Variants in SLIT3 observed in about 807,000 individuals in gnomAD.
SLIT3 encodes slit homolog 3 protein.
SLIT3 carries 68 observed loss-of-function variants against 184.0 expected under a neutral mutation model. The observed-to-expected ratio is 0.37, with a 90% confidence interval of 0.30 to 0.45. SLIT3 has a LOEUF of 0.45. SLIT3 is among the 20% of genes least tolerant of loss of function. The pLI is 1.00. For synonymous variants in SLIT3, 831 were observed against 828.6 expected (o/e 1.00, Z -0.05); for missense variants, 1,707 against 2,026.0 (o/e 0.84, Z 3.02).
Position 168,665,629 on chromosome 5 carries a change from C to T in SLIT3, c.*825G>A, listed in dbSNP as rs765006563. ...TTTGGTAAGACAGTTCCAAATGACA[C>T]CTGTAGCAGACTTCAATAGTCAGTC... On this transcript the variant is annotated 3_prime_UTR_variant, in exon 36 of 36. Coordinates refer to ENST00000519560, the MANE Select transcript of SLIT3 (RefSeq NM_003062.4). The T allele has an allele frequency of 3.3e-5, 5 of 152,252 alleles. No individual in the cohort carries two copies. Among genetic ancestry groups the T allele is most frequent in the African/African-American group, 9.7e-5 (4 of 41,432 alleles). 9.4% of individuals were successfully genotyped at this position (152,252 alleles called of 1,614,324 possible).
At chr5:169,168,145 C>T (rs1762699157) in intron 4 of SLIT3, among the ~76,000 whole-genome samples, 1 of 152,154 alleles carries the variant, frequency 6.6e-6, no homozygotes, top group African/African-American at 2.4e-5. Flanking sequence ...ACCCAAATCC[C>T]TCACATCCTC....
intron 4 of SLIT3, among the ~76,000 whole-genome samples, chr5:168,959,089 GA>G (rs1429453189): frequency 1.3e-5 from 2 of 152,246 alleles, no homozygotes; most frequent in Non-Finnish European, 2.9e-5. Flanking sequence ...GCTGAGATTT[GA>G]AAAGAATGTG....
intron 16 of SLIT3, among the ~76,000 whole-genome samples, chr5:168,758,027 G>A (rs543160115): frequency 2.6e-5 from 4 of 152,278 alleles, no homozygotes; most frequent in South Asian, 2.1e-4. Context: ...CTTCCACACC[G>A]GGAGTTGTGG....
intron 4 of SLIT3, among the ~76,000 whole-genome samples, chr5:169,022,556 T>G (rs1409945454): frequency 6.6e-6 from 1 of 152,222 alleles, no homozygotes; most frequent in South Asian, 2.1e-4. Context: ...TCACCCACTA[T>G]GTATTTCCTA....
At chr5:169,045,451 G>A (rs2113038456) in intron 4 of SLIT3, among the ~76,000 whole-genome samples, 1 of 150,476 alleles carries the variant, frequency 6.6e-6, no homozygotes, top group African/African-American at 2.4e-5. Context: ...AAAAAGAACT[G>A]AGATGATGTA....
At chr5:169,219,545 G>A (rs1033689685) in intron 3 of SLIT3, among the ~76,000 whole-genome samples, 2 of 152,164 alleles carry the variant, frequency 1.3e-5, no homozygotes, top group African/African-American at 4.8e-5. Context: ...CCTGCTATCT[G>A]TCCATCCTGT....
intron 4 of SLIT3, among the ~76,000 whole-genome samples, chr5:168,998,722 A>G (rs1387737445): frequency 1.3e-5 from 2 of 151,690 alleles, no homozygotes; most frequent in Non-Finnish European, 2.9e-5. Flanking sequence ...ACAAAACAAA[A>G]CAAAACAAAA....
intron 1 of SLIT3, among the ~76,000 whole-genome samples, chr5:169,273,613 A>T (rs1020703212): frequency 5.9e-5 from 9 of 152,202 alleles, no homozygotes; most frequent in African/African-American, 2.2e-4. Context: ...GCCCCAGGTG[A>T]TTTCAATGTG....
chr5:168,991,851 C>T (rs896664869), intron 4 of SLIT3, among the ~76,000 whole-genome samples: 3 of 152,204 alleles, frequency 2.0e-5, no homozygotes, highest in Non-Finnish European at 2.9e-5. Context: ...TCCCTCTTGA[C>T]GCCCAATTCC....
chr5:168,827,106 G>A (rs915250516), intron 6 of SLIT3, among the ~76,000 whole-genome samples: 9 of 152,134 alleles, frequency 5.9e-5, no homozygotes, highest in Non-Finnish European at 1.0e-4. Flanking sequence ...CACGAGGCAG[G>A]GACTTTTAAT....
At chr5:169,150,084 C>T (rs747238614) in intron 4 of SLIT3, among the ~76,000 whole-genome samples, 58 of 152,208 alleles carry the variant, frequency 3.8e-4, no homozygotes, top group Non-Finnish European at 7.3e-4. Context: ...CACACCATTA[C>T]ATTTTGATGG....
chr5:168,940,902 C>T (rs931124319), intron 4 of SLIT3, among the ~76,000 whole-genome samples: 3 of 152,074 alleles, frequency 2.0e-5, no homozygotes, highest in South Asian at 2.1e-4. Context: ...CTGGCATGCC[C>T]GTTTCTCCAG....
chr5:168,809,068 T>A (rs929432245), intron 8 of SLIT3, among the ~76,000 whole-genome samples: 1 of 151,964 alleles, frequency 6.6e-6, no homozygotes, highest in African/African-American at 2.4e-5. Context: ...TTGAATGGGG[T>A]GTGTTGGAAA....
chr5:168,914,022 C>T (rs750527882), intron 4 of SLIT3, among the ~76,000 whole-genome samples: 7 of 152,184 alleles, frequency 4.6e-5, no homozygotes, highest in Non-Finnish European at 8.8e-5. Flanking sequence ...CTACCTAACT[C>T]TTTTAAATGG....
intron 4 of SLIT3, among the ~76,000 whole-genome samples, chr5:169,175,246 G>C (rs922418435): frequency 2.6e-5 from 4 of 152,186 alleles, no homozygotes; most frequent in Admixed American, 6.5e-5. Context: ...CACAACTCTG[G>C]CTGTTGCTAT....
At chr5:169,099,445 G>A (rs527299960) in intron 4 of SLIT3, among the ~76,000 whole-genome samples, 1 of 152,248 alleles carries the variant, frequency 6.6e-6, no homozygotes, top group South Asian at 2.1e-4. Flanking sequence ...CCATGTGCTA[G>A]ACACTGGGGA....
intron 4 of SLIT3, among the ~76,000 whole-genome samples, chr5:169,129,349 C>A (rs1761201994): frequency 6.6e-6 from 1 of 152,032 alleles, no homozygotes; most frequent in South Asian, 2.1e-4. Context: ...GTCAGGAGTT[C>A]AAGACCAGCC....
chr5:168,966,328 G>C (rs1763190483), intron 4 of SLIT3, among the ~76,000 whole-genome samples: 1 of 151,012 alleles, frequency 6.6e-6, no homozygotes, highest in Non-Finnish European at 1.5e-5. Flanking sequence ...TGAGAGGTTC[G>C]CTGGATTTTT....
At chr5:169,264,029 T>A (rs1201328831) in intron 1 of SLIT3, among the ~76,000 whole-genome samples, 1 of 150,418 alleles carries the variant, frequency 6.6e-6, no homozygotes, top group African/African-American at 2.4e-5. Flanking sequence ...TTTTCTGGAG[T>A]AAACATGTAT....
Sources: allele counts gnomAD v4.1 joint callset (sites outside exome capture counted in the v4.1 genomes callset), GRCh38; gene constraint gnomAD v4.1.1; transcripts MANE v1.5; gene names NCBI Gene and HGNC (gene_info 2026-07-23, HGNC 2026-07-21).